ADGRF1: variants seen among roughly 807,000 people sequenced by gnomAD.
The protein encoded by ADGRF1 is G protein-coupled receptor 110.
ADGRF1 carries 85 observed loss-of-function variants against 87.2 expected under a neutral mutation model. That is an observed-to-expected ratio of 0.97 (90% confidence interval 0.82 to 1.17). The LOEUF (loss-of-function observed/expected upper bound fraction) is 1.17. Among genes scored for constraint, ADGRF1 ranks in the 50% most tolerant of loss-of-function variants. The pLI, the probability that ADGRF1 is intolerant of heterozygous loss-of-function variation, is 0.00. For synonymous variants in ADGRF1, 430 were observed against 408.8 expected (o/e 1.05, Z -0.63); for missense variants, 1,169 against 1,077.2 (o/e 1.09, Z -1.19).
chr6:47,024,066 A>G lies in ADGRF1; in HGVS notation c.429T>C (p.Ser143=), dbSNP rs1780152516. ...CECHLNNLSQ[S]VNFCERTKIW... ...TACTTGTTCTCTCACAGAAATTGAC[A>G]CTCTGGCTGAGGTTGTTGAGATGAC... is the stretch of plus-strand genomic sequence containing the variant. Residue 143 remains serine (S), a synonymous_variant, in exon 5 of 15, where the codon AGT becomes AGC. Coordinates refer to ENST00000371253, the MANE Select transcript of ADGRF1 (RefSeq NM_153840.4). 1.2e-6 allele frequency: 2 copies of G among 1,613,792 alleles called. No individual in the cohort carries two copies. Among genetic ancestry groups the G allele is most frequent in the East Asian group, 2.2e-5 (1 of 44,866 alleles).
At position 47,024,223 on chromosome 6, in the gene ADGRF1, C is replaced by G. The variant is rs569714838; in HGVS notation, c.278-6G>C. 51 of 1,609,542 alleles carry G rather than the reference C, an allele frequency of 3.2e-5. No individual in the cohort carries two copies. Among genetic ancestry groups the G allele is most frequent in the African/African-American group, 3.1e-4 (23 of 74,952 alleles). On this transcript the variant is annotated splice_region_variant and splice_polypyrimidine_tract_variant and intron_variant, in intron 4 of 14. Coordinates refer to ENST00000371253, the MANE Select transcript of ADGRF1 (RefSeq NM_153840.4). ...TCCATTCAGGCTGTTGCAGTCTGCA[C>G]AAGAAATAGAACTCAGTCTCATGGA...
intron 9 of ADGRF1, chr6:47,014,459 A>G (rs1779800950): frequency 7.9e-7 from 1 of 1,270,318 alleles, no homozygotes; most frequent in African/African-American, 1.5e-5. Context: ...TGACAAAACT[A>G]TCAACTCTGT....
intron 1 of ADGRF1, among the ~76,000 whole-genome samples, chr6:47,039,911 G>A (rs1408759665): frequency 2.0e-5 from 3 of 151,926 alleles, no homozygotes; most frequent in African/African-American, 4.8e-5. Flanking sequence ...GAGGTGAGCC[G>A]GGATTGTGCC....
Position 47,000,026 on chromosome 6 carries a change from A to G in ADGRF1, c.*196T>C, listed in dbSNP as rs1582129346. ...GAGCACTTTCTTTGAATCAAATCACATGGAAATAAATCTTCTTTTCATTTA... is the reference window on the plus strand; with the variant it reads ...GAGCACTTTCTTTGAATCAAATCACGTGGAAATAAATCTTCTTTTCATTTA... On this transcript the variant is annotated 3_prime_UTR_variant, in exon 15 of 15. Coordinates refer to ENST00000371253, the MANE Select transcript of ADGRF1 (RefSeq NM_153840.4). 2.0e-6 allele frequency: 1 copy of G among 507,222 alleles called. No individual in the cohort carries two copies. Among genetic ancestry groups the G allele is most frequent in the Admixed American group, 3.3e-5 (1 of 30,122 alleles). 31.4% of individuals were successfully genotyped at this position (507,222 alleles called of 1,614,324 possible).
chr6:47,012,005 A>G lies in ADGRF1; in HGVS notation c.1116+2T>C, dbSNP rs1779721281. 1 of 1,612,442 alleles carries G rather than the reference A, an allele frequency of 6.2e-7. No individual in the cohort carries two copies. Among genetic ancestry groups the G allele is most frequent in the Non-Finnish European group, 8.5e-7 (1 of 1,178,700 alleles). ...AGCCCTTCAAGCACAGGCAGACCAT[A>G]CCTCCATTGTTGAATTGGACACCCT... On this transcript the variant is annotated splice_donor_variant, in intron 10 of 14. Coordinates refer to ENST00000371253, the MANE Select transcript of ADGRF1 (RefSeq NM_153840.4). LOFTEE classifies it high-confidence loss of function.
chr6:47,003,979 T>C (rs187239180), intron 13 of ADGRF1, among the ~76,000 whole-genome samples: 1 of 152,284 alleles, frequency 6.6e-6, no homozygotes, highest in Non-Finnish European at 1.5e-5. Context: ...AATCCCTCCA[T>C]CTTCAGTCCG....
At position 47,025,846 on chromosome 6, in the gene ADGRF1, C is replaced by A. The variant is rs756566416; in HGVS notation, c.277+8G>T. On this transcript the variant is annotated splice_region_variant and intron_variant, in intron 4 of 14. Transcript: ENST00000371253. ...ATTTATACATCCAGTCACCGAGAGC[C>A]ACCTTACCTGTGGTAGCCTTTGCTC... 3 of 1,573,756 alleles carry A rather than the reference C, an allele frequency of 1.9e-6. No individual in the cohort carries two copies. Among genetic ancestry groups the A allele is most frequent in the East Asian group, 4.5e-5 (2 of 44,214 alleles).
rs547714370 is a variant in ADGRF1 at position 47,005,873 on chromosome 6, G to A, written c.2536C>T (p.Arg846Ter). The change falls in exon 13 of 15, where the codon CGA becomes TGA. Residue 846 changes from arginine to a stop codon, truncating the protein, a stop_gained. Transcript: ENST00000371253. LOFTEE classifies it high-confidence loss of function. ...CFGILLDSKLRQLLFNKLSAL... is the reference protein window; with the variant it reads ...CFGILLDSKL ...GACAACTTGTTGAACAGAAGTTGTCGCAGCTATAAGGGCAACAAAGAAATA... is the reference window on the plus strand; with the variant it reads ...GACAACTTGTTGAACAGAAGTTGTCACAGCTATAAGGGCAACAAAGAAATA... The A allele has an allele frequency of 1.5e-5, 24 of 1,609,226 alleles. No homozygotes were observed. Among genetic ancestry groups the A allele is most frequent in the South Asian group, 7.7e-5 (7 of 90,552 alleles).
Position 47,012,017 on chromosome 6 carries a change from G to A in ADGRF1, c.1106C>T (p.Ser369Leu). 1 of 1,613,318 alleles carries A rather than the reference G, an allele frequency of 6.2e-7. No homozygotes were observed. Among genetic ancestry groups the A allele is most frequent in the Non-Finnish European group, 8.5e-7 (1 of 1,179,466 alleles). ...SLASHFRVSN[S>L]TMEDVISIAD... is the part of the protein sequence containing the mutation. ...ACAGGCAGACCATACCTCCATTGTT[G>A]AATTGGACACCCTGAAATGGCTGGC... is the stretch of plus-strand genomic sequence containing the variant. The change falls in exon 10 of 15, where the codon TCA (serine) becomes TTA (leucine). Residue 369 changes from serine (S) to leucine (L), a missense_variant. Physicochemically the swap from Ser to Leu is moderately radical, Grantham distance 145. Coordinates refer to ENST00000371253, the MANE Select transcript of ADGRF1 (RefSeq NM_153840.4).
At chr6:47,026,098 A>T in intron 3 of ADGRF1, 95 bp from the exon 4 acceptor site, 1 of 1,101,084 alleles carries the variant, frequency 9.1e-7, no homozygotes. Flanking sequence ...AATTTAGGTC[A>T]GGGACTCTAC....
chr6:47,014,960 G>A, intron 8 of ADGRF1, 116 bp from the exon 9 acceptor site: 4 of 1,344,280 alleles, frequency 3.0e-6, no homozygotes, highest in South Asian at 1.7e-5. Context: ...TGAAATCCAG[G>A]CAAAATTCAG....
Position 47,028,983 on chromosome 6 carries a change from A to C in ADGRF1, c.69+10T>G. ...GTTGAGAAGAGATATGAGACATAGC[A>C]CCAACTCACCCCCAGGAAGCCACCG... is the stretch of plus-strand genomic sequence containing the variant. On this transcript the variant is annotated intron_variant, in intron 2 of 14. Coordinates refer to ENST00000371253, the MANE Select transcript of ADGRF1 (RefSeq NM_153840.4). The C allele has an allele frequency of 6.2e-7, 1 of 1,611,414 alleles. No individual in the cohort carries two copies. Among genetic ancestry groups the C allele is most frequent in the South Asian group, 1.1e-5 (1 of 91,026 alleles).
chr6:47,021,261 A>G (rs984226714), intron 6 of ADGRF1, among the ~76,000 whole-genome samples: 2 of 152,228 alleles, frequency 1.3e-5, no homozygotes, highest in African/African-American at 4.8e-5. Flanking sequence ...TGACTTTATT[A>G]TAAAGTTGAG....
intron 7 of ADGRF1, chr6:47,020,502 CAAAAA>C: frequency 8.0e-7 from 1 of 1,245,670 alleles, no homozygotes; most frequent in Admixed American, 2.7e-5. Flanking sequence ...GACATTCTGT[CAAAAA>C]AAAAAAAAAA....
At chr6:47,011,663 A>G (rs912713012) in intron 10 of ADGRF1, among the ~76,000 whole-genome samples, 5 of 152,236 alleles carry the variant, frequency 3.3e-5, no homozygotes, top group Non-Finnish European at 7.3e-5. Flanking sequence ...GAGTTCTTAA[A>G]ATATACACTG....
At chr6:47,022,795 T>C (rs1003316128) in intron 5 of ADGRF1, among the ~76,000 whole-genome samples, 16 of 143,362 alleles carry the variant, frequency 1.1e-4, no homozygotes, top group African/African-American at 4.2e-4. Flanking sequence ...TTTCTTTCTT[T>C]TCTTTTTTCT....
intron 1 of ADGRF1, among the ~76,000 whole-genome samples, chr6:47,039,745 T>G (rs1468490276): frequency 6.6e-6 from 1 of 151,558 alleles, no homozygotes; most frequent in African/African-American, 2.4e-5. Context: ...GTGGATTACT[T>G]GAGGTCAGGA....
chr6:47,033,534 G>T (rs1264922776), intron 1 of ADGRF1, among the ~76,000 whole-genome samples: 2 of 152,224 alleles, frequency 1.3e-5, no homozygotes, highest in Non-Finnish European at 2.9e-5. Flanking sequence ...ATGGGATTAT[G>T]TTTCTTTCTC....
chr6:47,036,102 G>A (rs1451751032), intron 1 of ADGRF1, among the ~76,000 whole-genome samples: 11 of 152,112 alleles, frequency 7.2e-5, no homozygotes, highest in Non-Finnish European at 1.0e-4. Context: ...ATGGTGGTAC[G>A]CACCTGTGGT....
Sources: allele counts gnomAD v4.1 joint callset (sites outside exome capture counted in the v4.1 genomes callset), GRCh38; gene constraint gnomAD v4.1.1; transcripts MANE v1.5; gene names NCBI Gene and HGNC (gene_info 2026-07-23, HGNC 2026-07-21).